SLC22A15: variants seen among roughly 807,000 people sequenced by gnomAD.
The protein encoded by SLC22A15 is solute carrier family 22 member 15.
SLC22A15 carries 45 observed loss-of-function variants against 62.7 expected under a neutral mutation model. The observed-to-expected ratio is 0.72, with a 90% confidence interval of 0.56 to 0.92. SLC22A15 has a LOEUF of 0.92. SLC22A15 is among the 40% of genes least tolerant of loss of function. The pLI is 0.00. For missense variants in SLC22A15, 622 were observed against 665.6 expected, an observed-to-expected ratio of 0.93 and a Z score of 0.72; for synonymous variants, 264 against 267.0, an observed-to-expected ratio of 0.99 and a Z score of 0.11.
At position 116,020,796 on chromosome 1, in the gene SLC22A15, T is replaced by C; in HGVS notation, c.509T>C (p.Phe170Ser). ...PSYEFFAVTR[F>S]LVGMMNGGMS... Reference sequence around the variant, plus strand: ...TATGAGTTCTTTGCAGTAACTCGCTTCCTGGTGGGCATGATGAATGGAGGG... The same window carrying C: ...TATGAGTTCTTTGCAGTAACTCGCTCCCTGGTGGGCATGATGAATGGAGGG... Residue 170 changes from phenylalanine to serine, a missense_variant, in exon 4 of 12, where the codon TTC becomes TCC. Phe to Ser is a radical substitution (Grantham distance 155, BLOSUM62 -2). Transcript: ENST00000369503. 1 of 1,613,942 alleles carries C rather than the reference T, an allele frequency of 6.2e-7. No individual in the cohort carries two copies. The highest frequency in any genetic ancestry group is 8.5e-7 in the Non-Finnish European group (1 of 1,179,820).
chr1:116,031,256 A>G (rs552663494), intron 5 of SLC22A15, 110 bp from the exon 6 acceptor site: 4 of 774,228 alleles, frequency 5.2e-6, no homozygotes, highest in Admixed American at 4.8e-5. Flanking sequence ...TAAGTCTAAC[A>G]TGGAATCCCA....
At chr1:116,031,339 T>C (rs1198623969) in intron 5 of SLC22A15, 27 bp from the exon 6 acceptor site, 1 of 1,568,598 alleles carries the variant, frequency 6.4e-7, no homozygotes, top group Non-Finnish European at 8.7e-7. Flanking sequence ...TATATGAATA[T>C]ACAGGCTTTA....
intron 8 of SLC22A15, among the ~76,000 whole-genome samples, chr1:116,040,564 T>A (rs894593320): frequency 3.9e-5 from 6 of 152,220 alleles, no homozygotes; most frequent in African/African-American, 1.4e-4. Context: ...TTTCCAACTC[T>A]AAAGTCAGTC....
chr1:115,979,821 ATC>A (rs886925287), intron 1 of SLC22A15, among the ~76,000 whole-genome samples: 4 of 152,160 alleles, frequency 2.6e-5, no homozygotes, highest in African/African-American at 9.7e-5. Context: ...TTTCCTCAAA[ATC>A]ATGAATCGTA....
chr1:116,019,994 A>G (rs138267819), intron 3 of SLC22A15, among the ~76,000 whole-genome samples: 1 of 152,146 alleles, frequency 6.6e-6, no homozygotes, highest in South Asian at 2.1e-4. Flanking sequence ...AGTTTATGCC[A>G]TGTTGCTAAG....
At chr1:116,018,350 TTTTTA>T (rs199922570) in intron 2 of SLC22A15, among the ~76,000 whole-genome samples, 2 of 152,192 alleles carry the variant, frequency 1.3e-5, no homozygotes, top group South Asian at 2.1e-4. Flanking sequence ...ATTTTTTTCC[TTTTTA>T]TTTTATTTTA....
At chr1:115,983,790 G>A (rs10923927) in intron 1 of SLC22A15, among the ~76,000 whole-genome samples, 98 of 152,278 alleles carry the variant, frequency 6.4e-4, no homozygotes, top group African/African-American at 2.2e-3. Flanking sequence ...TTGCAGCCTC[G>A]TGACTGTGCC....
chr1:116,038,193 C>A lies in SLC22A15; in HGVS notation c.1171+805C>A, dbSNP rs72996741. On this transcript the variant is annotated intron_variant, in intron 8 of 11. Coordinates refer to ENST00000369503, the MANE Select transcript of SLC22A15 (RefSeq NM_018420.3). ...TATAACAAGAGCCCTGTCTTAGGGGCTTTTGGATTTTGATAGGGTTCTGTT... is the reference window on the plus strand; with the variant it reads ...TATAACAAGAGCCCTGTCTTAGGGGATTTTGGATTTTGATAGGGTTCTGTT... Among the ~76,000 whole-genome samples, 628 of 152,202 alleles carry A rather than the reference C, an allele frequency of 4.1e-3. 9 individuals carry two copies. The highest frequency in any genetic ancestry group is 0.015 in the African/African-American group (606 of 41,514).
At chr1:116,044,659 A>T (rs1657881993) in intron 8 of SLC22A15, among the ~76,000 whole-genome samples, 1 of 152,252 alleles carries the variant, frequency 6.6e-6, no homozygotes. Flanking sequence ...ATATACAAAA[A>T]AGAAATCTGT....
intron 4 of SLC22A15, among the ~76,000 whole-genome samples, chr1:116,021,125 A>T (rs536095690): frequency 6.6e-6 from 1 of 152,224 alleles, no homozygotes; most frequent in African/African-American, 2.4e-5. Flanking sequence ...CGCCTCATGG[A>T]CTGCCTACAG....
Position 116,064,381 on chromosome 1 carries a change from G to A in SLC22A15, c.1293-55G>A, listed in dbSNP as rs1012992124. ...CAAGGCCCGCTGCTGCCCCCCAAGG[G>A]TCTCTTAATTCCTCCGCTAGAACTT... On this transcript the variant is annotated intron_variant, in intron 9 of 11. Transcript: ENST00000369503. 7.5e-6 allele frequency: 10 copies of A among 1,330,328 alleles called. No homozygotes were observed. In the African/African-American group the frequency reaches 1.3e-4, roughly 17 times the overall value. The allele number at this position is 1,330,328 out of a possible 1,614,324, so 82.4% of individuals were successfully genotyped here.
chr1:116,009,308 G>A (rs780343427), intron 2 of SLC22A15, among the ~76,000 whole-genome samples: 19 of 151,834 alleles, frequency 1.3e-4, no homozygotes, highest in South Asian at 2.1e-4. Context: ...CCGTCCCACC[G>A]TTCAGAGTGT....
intron 8 of SLC22A15, among the ~76,000 whole-genome samples, chr1:116,040,605 T>A (rs1250524702): frequency 6.6e-6 from 1 of 152,102 alleles, no homozygotes; most frequent in South Asian, 2.1e-4. Flanking sequence ...TCTCAAACTC[T>A]TAGAGAGATT....
intron 1 of SLC22A15, among the ~76,000 whole-genome samples, chr1:115,985,429 C>A (rs57030931): frequency 6.6e-6 from 1 of 152,182 alleles, no homozygotes. Context: ...TTTCTCAGAA[C>A]GTTTCCCAGT....
chr1:116,041,344 T>C (rs1456080159), intron 8 of SLC22A15, among the ~76,000 whole-genome samples: 2 of 152,142 alleles, frequency 1.3e-5, no homozygotes, highest in Admixed American at 1.3e-4. Flanking sequence ...TCAAAAATAA[T>C]AATAAAAATC....
chr1:116,031,906 G>A (rs2101442947), intron 6 of SLC22A15: 1 of 1,116,438 alleles, frequency 9.0e-7, no homozygotes, highest in Non-Finnish European at 1.1e-6. Flanking sequence ...AGGAAAGAAA[G>A]CAAATAAGCA....
In SLC22A15 at chr1:116,020,861, G is replaced by A. The variant is rs1165768597; in HGVS notation, c.574G>A (p.Gly192Ser). The A allele has an allele frequency of 6.8e-6, 11 of 1,612,168 alleles. No homozygotes were observed. The highest frequency in any genetic ancestry group is 1.7e-5 in the Admixed American group (1 of 59,872). ...CTTTGTCTTGCTTAATGAATGTGTG[G>A]GCACCGCCTACTGGGCACTTGCAGG... ...VAFVLLNECV[G>S]TAYWALAGSI... Residue 192 changes from glycine (G) to serine (S), a missense_variant, in exon 4 of 12, where the codon GGC becomes AGC. By Grantham distance (56) the Gly-to-Ser change is moderately conservative. Coordinates refer to ENST00000369503, the MANE Select transcript of SLC22A15 (RefSeq NM_018420.3).
Position 115,992,036 on chromosome 1 carries a change from C to T in SLC22A15, c.93C>T (p.Tyr31=), listed in dbSNP as rs773129275. The T allele has an allele frequency of 1.5e-5, 24 of 1,613,130 alleles. No individual in the cohort carries two copies. In the Admixed American group the frequency reaches 1.5e-4, roughly 10 times the overall value. ...CTGTGTGTTTGCTCTTTCAGCTCTA[C>T]GTGGCCACGGAGGCCATCCTCATTG... is the stretch of plus-strand genomic sequence containing the variant. ...CFLLAVLLQL[Y]VATEAILIAL... Residue 31 remains tyrosine (Y), a synonymous_variant, in exon 2 of 12, where the codon TAC becomes TAT. Transcript: ENST00000369503.
In SLC22A15 at chr1:116,069,732, A is replaced by C. The variant is rs1438864838; in HGVS notation, c.*2624A>C. The stretch of plus-strand genomic sequence containing the variant: ...TTTAGTATTTAAAAATGAGCAAATA[A>C]ACAAAATGAGGCAAATAAATGAAGA... On this transcript the variant is annotated 3_prime_UTR_variant, in exon 12 of 12. Transcript: ENST00000369503. 1 of 152,188 alleles carries C rather than the reference A, an allele frequency of 6.6e-6. No individual in the cohort carries two copies. The highest frequency in any genetic ancestry group is 1.5e-5 in the Non-Finnish European group (1 of 68,020). 9.4% of individuals were successfully genotyped at this position (152,188 alleles called of 1,614,324 possible). A position where few individuals can be genotyped will look rare whatever the true frequency, so the allele number is the denominator to read the frequency against.
Sources: allele counts gnomAD v4.1 joint callset (sites outside exome capture counted in the v4.1 genomes callset), GRCh38; gene constraint gnomAD v4.1.1; transcripts MANE v1.5; gene names NCBI Gene and HGNC (gene_info 2026-07-23, HGNC 2026-07-21).